Variants in CR2 observed in about 807,000 individuals in gnomAD.
CR2 encodes complement C3d receptor 2, also known as complement receptor type 2.
A neutral mutation model predicts 123.0 loss-of-function variants in CR2; 96 were observed. The observed-to-expected ratio is 0.78, with a 90% CI of 0.66 to 0.93. CR2 has a LOEUF of 0.93. Among genes scored for constraint, CR2 ranks in the 40% least tolerant of loss-of-function variants. The pLI is 0.00. For missense variants in CR2, 1,258 were observed against 1,361.0 expected (o/e 0.92, Z 1.19); for synonymous variants, 484 against 469.5 (o/e 1.03, Z -0.40).
Position 207,489,389 on chromosome 1 carries a change from A to G in CR2, c.*266A>G, listed in dbSNP as rs904526687. 6.6e-6 allele frequency: 1 copy of G among 152,244 alleles called. No individual in the cohort carries two copies. The highest frequency in any genetic ancestry group is 2.4e-5 in the African/African-American group (1 of 41,468). The allele number at this position is 152,244 out of a possible 1,614,324, so 9.4% of individuals were successfully genotyped here. A position where few individuals can be genotyped will look rare whatever the true frequency, so the allele number is the denominator to read the frequency against. On this transcript the variant is annotated 3_prime_UTR_variant, in exon 20 of 20. Coordinates refer to ENST00000367057, the MANE Select transcript of CR2 (RefSeq NM_001006658.3). ...GCCTGAAGCCAGGCCATGGCTATAAACAATTACATGGCTCTAAAAAGTTTT... is the reference window on the plus strand; with the variant it reads ...GCCTGAAGCCAGGCCATGGCTATAAGCAATTACATGGCTCTAAAAAGTTTT...
At position 207,469,367 on chromosome 1, in the gene CR2, G is replaced by A. The variant is rs1353441135; in HGVS notation, c.817+135G>A. 5 of 808,318 alleles carry A rather than the reference G, an allele frequency of 6.2e-6. No homozygotes were observed. In the African/African-American group the frequency reaches 6.8e-5, roughly 11 times the overall value. The allele number at this position is 808,318 out of a possible 1,614,324, so 50.1% of individuals were successfully genotyped here. A position where few individuals can be genotyped will look rare whatever the true frequency, so the allele number is the denominator to read the frequency against. On this transcript the variant is annotated intron_variant, in intron 5 of 19. Transcript: ENST00000367057. ...CTTTAAGGATATGTGCTTCACCAAA[G>A]CATCCTTATTTTTTGTTTCCTCAAG...
chr1:207,486,230 C>CAAAAAAAA lies in CR2; in HGVS notation c.*18+677_*18+684dup, dbSNP rs1173937738. Among the ~76,000 whole-genome samples the CAAAAAAAA allele has an allele frequency of 7.7e-4, 33 of 43,002 alleles. 3 individuals are homozygous for CAAAAAAAA. Among genetic ancestry groups the CAAAAAAAA allele is most frequent in the Middle Eastern group, 0.014 (1 of 72 alleles). The allele number at this position is 43,002 out of a possible 152,430, so 28.2% of individuals were successfully genotyped here. A position where few individuals can be genotyped will look rare whatever the true frequency, so the allele number is the denominator to read the frequency against. ...TGGACAACAGAGCAAGACTGCATCT[C>CAAAAAAAA]AAAAAAAAAAAAAAAAAAAAAAAAA... On this transcript the variant is annotated intron_variant, in intron 19 of 19. Coordinates refer to ENST00000367057, the MANE Select transcript of CR2 (RefSeq NM_001006658.3).
chr1:207,481,959 C>T (rs561357863), intron 18 of CR2, among the ~76,000 whole-genome samples: 118 of 151,638 alleles, frequency 7.8e-4, no homozygotes, highest in African/African-American at 2.5e-3. Flanking sequence ...TCATATCTAC[C>T]GATTATACAT....
Position 207,473,164 on chromosome 1 carries a change from C to G in CR2, c.1963C>G (p.Pro655Ala). ...KADNTWDPEI[P>A]VCEKGCQSPP... ...TGATAACACCTGGGATCCTGAAATA[C>G]CAGTTTGTGAAAAAGGTAAAAACCC... Residue 655 changes from proline (P) to alanine (A), a missense_variant, in exon 10 of 20, where the codon CCA becomes GCA. Transcript: ENST00000367057. 6.2e-7 allele frequency: 1 copy of G among 1,613,746 alleles called. No individual in the cohort carries two copies. Among genetic ancestry groups the G allele is most frequent in the Non-Finnish European group, 8.5e-7 (1 of 1,179,834 alleles).
At position 207,472,234 on chromosome 1, in the gene CR2, G is replaced by A. The variant is rs968271709; in HGVS notation, c.1571-538G>A. On this transcript the variant is annotated intron_variant, in intron 9 of 19. Transcript: ENST00000367057. ...ACTGCACTCCAGCCTAGGCAACAGCGTGAGACTCCATCTCAAAAAAAAAAG... is the reference window on the plus strand; with the variant it reads ...ACTGCACTCCAGCCTAGGCAACAGCATGAGACTCCATCTCAAAAAAAAAAG... Among the ~76,000 whole-genome samples, 7 of 151,820 alleles carry A rather than the reference G, an allele frequency of 4.6e-5. No homozygotes were observed. In the East Asian group the frequency reaches 1.2e-3, roughly 25 times the overall value.
intron 9 of CR2, 41 bp downstream of exon 9, chr1:207,471,540 AT>A (rs1658282185): frequency 7.4e-7 from 1 of 1,354,778 alleles, no homozygotes; most frequent in African/African-American, 1.4e-5. Flanking sequence ...ATAATGTGAG[AT>A]CTATACATTT....
chr1:207,469,119 A>T, intron 4 of CR2, 31 bp from the exon 5 acceptor site: 2 of 1,589,822 alleles, frequency 1.3e-6, no homozygotes, highest in Non-Finnish European at 1.7e-6. Flanking sequence ...AAACTGCCTA[A>T]TAGTTCTGAA....
chr1:207,485,968 C>T (rs930193558), intron 19 of CR2, among the ~76,000 whole-genome samples: 3 of 152,020 alleles, frequency 2.0e-5, no homozygotes, highest in African/African-American at 7.2e-5. Flanking sequence ...TGGTGGCTCA[C>T]GCCTGTAATC....
chr1:207,458,965 T>TA lies in CR2; in HGVS notation c.58+4499dup, dbSNP rs369125693. ...CTAAATAACAAACAGGGAAAGACCCTAAAAAAAAAAGATATTTGTTTGGGA... is the reference window on the plus strand; with the variant it reads ...CTAAATAACAAACAGGGAAAGACCCTAAAAAAAAAAAGATATTTGTTTGGGA... On this transcript the variant is annotated intron_variant, in intron 1 of 19. Coordinates refer to ENST00000367057, the MANE Select transcript of CR2 (RefSeq NM_001006658.3). Among the ~76,000 whole-genome samples the TA allele has an allele frequency of 1.7e-3, 248 of 147,784 alleles. 2 individuals are homozygous for TA. Among genetic ancestry groups the TA allele is most frequent in the Admixed American group, 6.4e-3 (95 of 14,838 alleles).
Position 207,469,170 on chromosome 1 carries a change from C to T in CR2, c.755C>T (p.Pro252Leu). 6.2e-7 allele frequency: 1 copy of T among 1,613,928 alleles called. No homozygotes were observed. Among genetic ancestry groups the T allele is most frequent in the African/African-American group, 1.3e-5 (1 of 75,008 alleles). Residue 252 changes from proline (P) to leucine (L), a missense_variant, in exon 5 of 20, where the codon CCT (proline) becomes CTT (leucine). Transcript: ENST00000367057. ...TCCAGGTATCGACTGCAAGGCCCAC[C>T]TTCTAGTCGGTGTGTAATTGCTGGA... ...CDEGYRLQGPPSSRCVIAGQG... is the reference protein window; with the variant it reads ...CDEGYRLQGPLSSRCVIAGQG...
At chr1:207,472,541 T>A (rs1658310339) in intron 9 of CR2, among the ~76,000 whole-genome samples, 1 of 152,186 alleles carries the variant, frequency 6.6e-6, no homozygotes. Context: ...AACTAACTCC[T>A]AATGTGATGT....
At chr1:207,463,666 G>C (rs1041512799) in intron 1 of CR2, among the ~76,000 whole-genome samples, 1 of 152,000 alleles carries the variant, frequency 6.6e-6, no homozygotes, top group Non-Finnish European at 1.5e-5. Flanking sequence ...TAAGTTCTGG[G>C]GTACATGTGC....
At chr1:207,486,025 G>A (rs1658739190) in intron 19 of CR2, among the ~76,000 whole-genome samples, 1 of 151,950 alleles carries the variant, frequency 6.6e-6, no homozygotes, top group Non-Finnish European at 1.5e-5. Context: ...GAGGTCAAGA[G>A]TTCGAGACCA....
chr1:207,463,672 T>C (rs1658019810), intron 1 of CR2, among the ~76,000 whole-genome samples: 1 of 152,174 alleles, frequency 6.6e-6, no homozygotes, highest in African/African-American at 2.4e-5. Context: ...CTGGGGTACA[T>C]GTGCAGGATG....
At chr1:207,473,363 G>C (rs374475492) in intron 10 of CR2, among the ~76,000 whole-genome samples, 182 bp from the exon 11 acceptor site, 1 of 152,286 alleles carries the variant, frequency 6.6e-6, no homozygotes, top group African/African-American at 2.4e-5. Context: ...TTGGATCTGG[G>C]ATCTATTCAG....
In CR2 at chr1:207,475,002, T is replaced by C; in HGVS notation, c.2502T>C (p.Pro834=). ...DSKGHGSWSG[P]SPQCLRSPPV... ...AAGGACATGGATCTTGGAGCGGGCC[T>C]TCCCCACAGTGCTTACGATCTCCTC... is the stretch of plus-strand genomic sequence containing the variant. Residue 834 remains proline (P), a synonymous_variant, in exon 14 of 20, where the codon CCT becomes CCC. Transcript: ENST00000367057. 1 of 1,614,148 alleles carries C rather than the reference T, an allele frequency of 6.2e-7. No homozygotes were observed. Among genetic ancestry groups the C allele is most frequent in the Non-Finnish European group, 8.5e-7 (1 of 1,179,994 alleles).
chr1:207,476,500 A>T (rs1485541947), intron 15 of CR2, 81 bp downstream of exon 15: 13 of 1,235,998 alleles, frequency 1.1e-5, no homozygotes, highest in Non-Finnish European at 1.5e-5. Context: ...TTTCAACTTA[A>T]AATAGCCAAA....
At chr1:207,482,222 A>T (rs1658623365) in intron 18 of CR2, among the ~76,000 whole-genome samples, 1 of 152,170 alleles carries the variant, frequency 6.6e-6, no homozygotes, top group Non-Finnish European at 1.5e-5. Context: ...ATATTTTTAT[A>T]TCACTATAAA....
intron 1 of CR2, among the ~76,000 whole-genome samples, chr1:207,456,076 A>AT (rs1238797854): frequency 9.2e-5 from 14 of 152,146 alleles, no homozygotes; most frequent in Non-Finnish European, 1.8e-4. Flanking sequence ...AAATATATAT[A>AT]TTTTCATTAT....
Sources: allele counts gnomAD v4.1 joint callset (sites outside exome capture counted in the v4.1 genomes callset), GRCh38; gene constraint gnomAD v4.1.1; transcripts MANE v1.5; gene names NCBI Gene and HGNC (gene_info 2026-07-23, HGNC 2026-07-21).